Variants in FCSK observed in about 807,000 individuals in gnomAD.
The protein encoded by FCSK is L-fucose kinase.
In FCSK, 123 loss-of-function variants were observed where a neutral mutation model predicts 122.5. That is an observed-to-expected ratio of 1.00 (90% CI 0.87 to 1.17). The LOEUF (loss-of-function observed/expected upper bound fraction) is 1.17. Among genes scored for constraint, FCSK ranks in the 50% most tolerant of loss-of-function variants. The probability of loss-of-function intolerance (pLI) is 0.00; values close to 1 mark genes in which losing one functional copy is unlikely to be tolerated. For missense variants in FCSK, 1,366 were observed against 1,450.4 expected (o/e 0.94, Z 0.95); for synonymous variants, 620 against 625.5 (o/e 0.99, Z 0.13).
intron 1 of FCSK, among the ~76,000 whole-genome samples, chr16:70,461,907 C>G (rs921256792): frequency 2.0e-5 from 3 of 152,188 alleles, no homozygotes; most frequent in Non-Finnish European, 4.4e-5. Flanking sequence ...TCTGTTCACA[C>G]GAACCTATCT....
chr16:70,479,814 AAGATCTGGGCAAGCAGAG>A lies in FCSK; in HGVS notation c.*137_*154del. 1.5e-6 allele frequency: 1 copy of A among 652,042 alleles called. No homozygotes were observed. 40.4% of individuals were successfully genotyped at this position (652,042 alleles called of 1,614,324 possible). On this transcript the variant is annotated 3_prime_UTR_variant, in exon 24 of 24. Coordinates refer to ENST00000288078, the MANE Select transcript of FCSK (RefSeq NM_145059.3). ...GCTCCCAAAGGAAGCTGACCAGAGCAAGATCTGGGCAAGCAGAGAGTGCCTGGGACAGGACTGTGACCT... is the reference window on the plus strand; with the variant it reads ...GCTCCCAAAGGAAGCTGACCAGAGCAAGTGCCTGGGACAGGACTGTGACCT...
chr16:70,465,281 A>C (rs1182842280), intron 4 of FCSK, 105 bp downstream of exon 4: 4 of 1,122,192 alleles, frequency 3.6e-6, no homozygotes, highest in Non-Finnish European at 5.1e-6. Flanking sequence ...TGCAAGATGA[A>C]ATCTGAAAGA....
rs566802630 is a variant in FCSK, at chr16:70,462,545, C to T, written c.-22-624C>T. Among the ~76,000 whole-genome samples the T allele has an allele frequency of 3.9e-5, 6 of 152,252 alleles. No individual in the cohort carries two copies. The East Asian group carries it at 9.6e-4, about 24-fold the overall frequency. On this transcript the variant is annotated intron_variant, in intron 1 of 23. Transcript: ENST00000288078. The stretch of plus-strand genomic sequence containing the variant: ...TTTGCCATGTTGGCCAGGCTGGTCT[C>T]GAACTCCTGACCTCAGGTGATCTGT...
chr16:70,470,906 G>A, intron 11 of FCSK, 65 bp from the exon 12 acceptor site: 1 of 1,416,442 alleles, frequency 7.1e-7, no homozygotes, highest in East Asian at 2.5e-5. Flanking sequence ...TGCTTGGCTT[G>A]GGAGGAGAGC....
At chr16:70,468,192 C>T (rs568459743) in intron 8 of FCSK, among the ~76,000 whole-genome samples, 4 of 152,274 alleles carry the variant, frequency 2.6e-5, no homozygotes, top group African/African-American at 4.8e-5. Flanking sequence ...GAGGCTGAGG[C>T]GGGTGGATCA....
chr16:70,470,871 T>C (rs1403411324), intron 11 of FCSK, 100 bp from the exon 12 acceptor site: 1 of 1,028,028 alleles, frequency 9.7e-7, no homozygotes, highest in South Asian at 1.5e-5. Context: ...AGGGGAGCAG[T>C]AGGCCTGGAC....
intron 1 of FCSK, among the ~76,000 whole-genome samples, chr16:70,458,363 C>T (rs7197909): frequency 0.12 from 18,054 of 149,878 alleles, 3,555 homozygotes; most frequent in African/African-American, 0.41. Flanking sequence ...TTTCACCATG[C>T]TGGCCAGGCT....
intron 5 of FCSK, 85 bp from the exon 6 acceptor site, chr16:70,466,797 A>C: frequency 7.8e-7 from 1 of 1,279,576 alleles, no homozygotes; most frequent in Non-Finnish European, 1.1e-6. Flanking sequence ...TTGTTACTTC[A>C]ACAGCACAGT....
chr16:70,470,553 C>T, intron 11 of FCSK, 127 bp downstream of exon 11: 1 of 655,894 alleles, frequency 1.5e-6, no homozygotes. Context: ...CTGGTTTACA[C>T]ATGAAGTGCT....
In FCSK at chr16:70,474,980, C is replaced by A. The variant is rs764870652; in HGVS notation, c.2346C>A (p.Asp782Glu). 2.5e-6 allele frequency: 4 copies of A among 1,608,620 alleles called. No homozygotes were observed. The highest frequency in any genetic ancestry group is 3.4e-6 in the Non-Finnish European group (4 of 1,178,266). The change falls in exon 18 of 24, where the codon GAC (aspartate) becomes GAA (glutamate). Residue 782 changes from aspartate (D) to glutamate (E), a missense_variant. Coordinates refer to ENST00000288078, the MANE Select transcript of FCSK (RefSeq NM_145059.3). ...AGATAGTGTGCCGGTGCCTGGCTGACCTGCGGGACTACTGCCAGCCTCATG... is the reference window on the plus strand; with the variant it reads ...AGATAGTGTGCCGGTGCCTGGCTGAACTGCGGGACTACTGCCAGCCTCATG... ...TVKIVCRCLA[D>E]LRDYCQPHAP... is the part of the protein sequence containing the mutation.
chr16:70,463,256 C>T lies in FCSK; in HGVS notation c.66C>T (p.Val22=), dbSNP rs1349896768. 1 of 1,613,606 alleles carries T rather than the reference C, an allele frequency of 6.2e-7. No individual in the cohort carries two copies. Among genetic ancestry groups the T allele is most frequent in the African/African-American group, 1.3e-5 (1 of 74,888 alleles). The part of the protein sequence containing the change: ...IILTCQYKDS[V]QVFQRELEVR... Reference sequence around the variant, plus strand: ...TGACCTGCCAGTACAAGGACAGTGTCCAGGTCTTTCAGAGAGGTAGGGGAC... The same window carrying T: ...TGACCTGCCAGTACAAGGACAGTGTTCAGGTCTTTCAGAGAGGTAGGGGAC... The change falls in exon 2 of 24, where the codon GTC becomes GTT. Residue 22 remains valine, a synonymous_variant. Coordinates refer to ENST00000288078, the MANE Select transcript of FCSK (RefSeq NM_145059.3).
intron 20 of FCSK, among the ~76,000 whole-genome samples, chr16:70,477,052 T>G (rs2048839666): frequency 6.6e-6 from 1 of 152,254 alleles, no homozygotes; most frequent in Non-Finnish European, 1.5e-5. Flanking sequence ...TTAGCCACTT[T>G]GCAACTACCA....
At chr16:70,469,648 G>C (rs2048547078) in intron 10 of FCSK, among the ~76,000 whole-genome samples, 1 of 152,096 alleles carries the variant, frequency 6.6e-6, no homozygotes, top group Non-Finnish European at 1.5e-5. Flanking sequence ...CCGCCTCCTG[G>C]GTTCAAGCAA....
At position 70,467,286 on chromosome 16, in the gene FCSK, C is replaced by G. The variant is rs545034932; in HGVS notation, c.485-88C>G. 109 of 871,372 alleles carry G rather than the reference C, an allele frequency of 1.3e-4. No individual in the cohort carries two copies. The African/African-American group carries it at 1.6e-3, about 13-fold the overall frequency. The allele number at this position is 871,372 out of a possible 1,614,324, so 54.0% of individuals were successfully genotyped here. A position where few individuals can be genotyped will look rare whatever the true frequency, so the allele number is the denominator to read the frequency against. On this transcript the variant is annotated intron_variant, in intron 6 of 23. Transcript: ENST00000288078. ...CCCTTTTAGAGGTGCCCAGGTGCCG[C>G]AGCCCTGGGCTCTTGCTTCCACCTG...
chr16:70,475,153 G>A, intron 18 of FCSK, 142 bp downstream of exon 18: 2 of 998,638 alleles, frequency 2.0e-6, no homozygotes, highest in Non-Finnish European at 2.9e-6. Flanking sequence ...GGGGCTGGGA[G>A]TCAACCTGCA....
chr16:70,464,719 A>T (rs17878911), intron 3 of FCSK, among the ~76,000 whole-genome samples: 2 of 150,070 alleles, frequency 1.3e-5, no homozygotes, highest in African/African-American at 5.0e-5. Flanking sequence ...AAAAAAAAAA[A>T]ATTTAAGAGG....
chr16:70,467,425 G>A lies in FCSK; in HGVS notation c.536G>A (p.Ser179Asn), dbSNP rs2151711949. Residue 179 changes from serine (S) to asparagine (N), a missense_variant, in exon 7 of 24, where the codon AGC becomes AAC. Coordinates refer to ENST00000288078, the MANE Select transcript of FCSK (RefSeq NM_145059.3). ...RGARVIALPG[S>N]PAYAQNHGVY... The stretch of plus-strand genomic sequence containing the variant: ...GCCAGAGTGATCGCCCTCCCAGGGA[G>A]CCCGGCCTACGCTCAGAATCATGGC... The A allele has an allele frequency of 6.2e-7, 1 of 1,610,852 alleles. No homozygotes were observed. Among genetic ancestry groups the A allele is most frequent in the Non-Finnish European group, 8.5e-7 (1 of 1,178,910 alleles).
intron 8 of FCSK, among the ~76,000 whole-genome samples, chr16:70,468,352 G>A (rs1332359513): frequency 1.3e-5 from 2 of 152,180 alleles, no homozygotes; most frequent in Non-Finnish European, 2.9e-5. Context: ...CCCAGGAGGC[G>A]GAGGTTGCGG....
intron 1 of FCSK, among the ~76,000 whole-genome samples, chr16:70,462,735 C>G (rs2048304591): frequency 6.6e-6 from 1 of 152,170 alleles, no homozygotes; most frequent in Non-Finnish European, 1.5e-5. Flanking sequence ...GCCTCCGCCT[C>G]CTGGGTTCAA....
Sources: gnomAD v4.1 joint callset for allele counts (sites outside exome capture counted in the v4.1 genomes callset) on GRCh38, gnomAD v4.1.1 for gene constraint, MANE v1.5 for transcripts, NCBI Gene and HGNC (gene_info 2026-07-23, HGNC 2026-07-21) for gene names.